Variants in ADCY7 observed in about 807,000 individuals in gnomAD.
The protein encoded by ADCY7 is adenylate cyclase type 7.
Under a neutral mutation model 120.6 loss-of-function variants are expected in ADCY7, and 72 were observed. That is an observed-to-expected ratio of 0.60 (90% confidence interval 0.49 to 0.73). The LOEUF is 0.73. Ranked by LOEUF, ADCY7 falls within the 30% of genes least tolerant of loss-of-function variation. The pLI, the probability that ADCY7 is intolerant of heterozygous loss-of-function variation, is 0.00. For missense variants in ADCY7, 1,227 were observed against 1,486.0 expected, an observed-to-expected ratio of 0.83 and a Z score of 2.87; for synonymous variants, 661 against 628.0, an observed-to-expected ratio of 1.05 and a Z score of -0.78.
In ADCY7 at chr16:50,311,015, C is replaced by A. The variant is rs577534619; in HGVS notation, c.2354+135C>A. On this transcript the variant is annotated intron_variant, in intron 19 of 25. Transcript: ENST00000673801. ...GGCGGGGCTGGCAGATGGTGTCCAG[C>A]GCTCAGAGCCGAGGAATTCACTGGC... 218 of 904,282 alleles carry A rather than the reference C, an allele frequency of 2.4e-4. No individual in the cohort carries two copies. In the African/African-American group the frequency reaches 3.4e-3, roughly 14 times the overall value. 56.0% of individuals were successfully genotyped at this position (904,282 alleles called of 1,614,324 possible).
intron 1 of ADCY7, among the ~76,000 whole-genome samples, chr16:50,255,728 G>A (rs1209440704): frequency 6.6e-6 from 1 of 152,168 alleles, no homozygotes; most frequent in African/African-American, 2.4e-5. Flanking sequence ...CTGAGCTCAA[G>A]GGCTCTGCCT....
chr16:50,315,480 A>C lies in ADCY7; in HGVS notation c.3218A>C (p.Lys1073Thr), dbSNP rs1291003887. 6.2e-7 allele frequency: 1 copy of C among 1,613,362 alleles called. No individual in the cohort carries two copies. The highest frequency in any genetic ancestry group is 1.1e-5 in the South Asian group (1 of 91,082). The change falls in exon 26 of 26, where the codon AAG (lysine) becomes ACG (threonine). Residue 1073 changes from lysine (K) to threonine (T), a missense_variant. Lys to Thr is a moderately conservative substitution (Grantham distance 78). This residue lies in a region of ADCY7 where 244 missense variants were observed against 332.8 expected (regional missense o/e 0.73). Transcript: ENST00000673801. Reference protein sequence around the residue: ...RTYFVCTDTAKFQGLGLN With the variant: ...RTYFVCTDTATFQGLGLN ...TACTTTGTCTGTACGGACACTGCCAAGTTTCAGGGGCTGGGGCTGAACTGA... is the reference window on the plus strand; with the variant it reads ...TACTTTGTCTGTACGGACACTGCCACGTTTCAGGGGCTGGGGCTGAACTGA...
At position 50,314,413 on chromosome 16, in the gene ADCY7, C is replaced by T. The variant is rs772966062; in HGVS notation, c.2971+7C>T. ...TCCTTCCGCCTCCGCGTCGGTGAGC[C>T]CGGGTGATGGAGCGGGGTGGGGAGC... is the stretch of plus-strand genomic sequence containing the variant. On this transcript the variant is annotated splice_region_variant and intron_variant, in intron 24 of 25. Coordinates refer to ENST00000673801, the MANE Select transcript of ADCY7 (RefSeq NM_001114.5). The T allele has an allele frequency of 2.5e-6, 4 of 1,611,820 alleles. No individual in the cohort carries two copies. Among genetic ancestry groups the T allele is most frequent in the Non-Finnish European group, 3.4e-6 (4 of 1,179,200 alleles).
At chr16:50,291,076 A>C (rs148758251) in intron 3 of ADCY7, among the ~76,000 whole-genome samples, 360 of 152,134 alleles carry the variant, frequency 2.4e-3, no homozygotes, top group African/African-American at 8.1e-3. Context: ...TGCCCACCCC[A>C]GTTGAGAGAG....
chr16:50,246,943 A>G (rs2032607961), intron 1 of ADCY7, among the ~76,000 whole-genome samples: 1 of 152,180 alleles, frequency 6.6e-6, no homozygotes, highest in Admixed American at 6.5e-5. Context: ...GGAAATGACC[A>G]CGTGGGCGCC....
intron 21 of ADCY7, among the ~76,000 whole-genome samples, 171 bp downstream of exon 21, chr16:50,312,362 G>T (rs1485626376): frequency 2.0e-5 from 3 of 152,198 alleles, no homozygotes; most frequent in Non-Finnish European, 4.4e-5. Flanking sequence ...GCATGGGCCT[G>T]GGGTCAGGGA....
chr16:50,305,610 C>G (rs573003651), intron 13 of ADCY7, 24 bp downstream of exon 13: 2 of 1,571,690 alleles, frequency 1.3e-6, no homozygotes, highest in African/African-American at 1.3e-5. Context: ...CCTCTGTCCA[C>G]CCCCCTCTCC....
At chr16:50,308,564 C>T in intron 16 of ADCY7, 103 bp from the exon 17 acceptor site, 1 of 1,551,662 alleles carries the variant, frequency 6.4e-7, no homozygotes, top group East Asian at 2.3e-5. Flanking sequence ...TTCCTGAGTG[C>T]CCTGGAGGCT....
rs2036371894 is a variant in ADCY7 at position 50,310,324 on chromosome 16, G to A, written c.2161-363G>A. ...AGCGTGGTCTTTATTCTGGGGGCTGGGGAGCCACAGCACAATCTTGAGCAG... is the reference window on the plus strand; with the variant it reads ...AGCGTGGTCTTTATTCTGGGGGCTGAGGAGCCACAGCACAATCTTGAGCAG... On this transcript the variant is annotated intron_variant, in intron 18 of 25. Coordinates refer to ENST00000673801, the MANE Select transcript of ADCY7 (RefSeq NM_001114.5). The A allele has an allele frequency of 6.5e-6, 5 of 772,532 alleles. No homozygotes were observed. In the Admixed American group the frequency reaches 9.0e-5, roughly 14 times the overall value. 47.9% of individuals were successfully genotyped at this position (772,532 alleles called of 1,614,324 possible). A position where few individuals can be genotyped will look rare whatever the true frequency, so the allele number is the denominator to read the frequency against.
chr16:50,254,791 C>A (rs1338267676), intron 1 of ADCY7, among the ~76,000 whole-genome samples: 2 of 152,102 alleles, frequency 1.3e-5, no homozygotes, highest in African/African-American at 2.4e-5. Context: ...ATACCAAAAG[C>A]TGTGTCTCCC....
chr16:50,264,361 T>A (rs2033133565), upstream of ADCY7, among the ~76,000 whole-genome samples: 1 of 152,254 alleles, frequency 6.6e-6, no homozygotes, highest in Non-Finnish European at 1.5e-5. Context: ...AATTTGTTTA[T>A]CCATTTACTC....
chr16:50,308,397 G>T lies in ADCY7; in HGVS notation c.1921G>T (p.Ala641Ser). Residue 641 changes from alanine (A) to serine (S), a missense_variant, in exon 16 of 26, where the codon GCC (alanine) becomes TCC (serine). Ala to Ser is a moderately conservative substitution (Grantham distance 99). This residue lies in a region of ADCY7 where 267 missense variants were observed against 270.0 expected (regional missense o/e 0.99). Coordinates refer to ENST00000673801, the MANE Select transcript of ADCY7 (RefSeq NM_001114.5). ...VLGLVLGLCF[A>S]TKFSRCCPAR... is the part of the protein sequence containing the mutation. ...GGGGCTGGTGCTGGGCCTGTGCTTTGCCACCAAGTTCTCGGTAAGTGGGGA... is the reference window on the plus strand; with the variant it reads ...GGGGCTGGTGCTGGGCCTGTGCTTTTCCACCAAGTTCTCGGTAAGTGGGGA... 1 of 1,614,104 alleles carries T rather than the reference G, an allele frequency of 6.2e-7. No homozygotes were observed.
intron 3 of ADCY7, among the ~76,000 whole-genome samples, 179 bp downstream of exon 3, chr16:50,290,839 C>T (rs931507935): frequency 1.3e-5 from 2 of 152,206 alleles, no homozygotes; most frequent in African/African-American, 4.8e-5. Context: ...GGAGAGCATC[C>T]ACTCGGACGC....
In ADCY7 at chr16:50,294,650, G is replaced by C; in HGVS notation, c.847G>C (p.Ala283Pro). 1 of 1,140,192 alleles carries C rather than the reference G, an allele frequency of 8.8e-7. No homozygotes were observed. The highest frequency in any genetic ancestry group is 1.3e-6 in the Non-Finnish European group (1 of 776,326). 70.6% of individuals were successfully genotyped at this position (1,140,192 alleles called of 1,614,324 possible). A position where few individuals can be genotyped will look rare whatever the true frequency, so the allele number is the denominator to read the frequency against. ...CTGCCCCATCCCCAGCATCCTCTAT[G>C]CGGACATCGTGGGCTTCACGCAGCT... ...KRHQNVSILY[A>P]DIVGFTQLAS... The change falls in exon 7 of 26, where the codon GCG becomes CCG. Residue 283 changes from alanine to proline, a missense_variant. By Grantham distance (27) the Ala-to-Pro change is conservative. Coordinates refer to ENST00000673801, the MANE Select transcript of ADCY7 (RefSeq NM_001114.5).
At chr16:50,310,417 C>T (rs1002166364) in intron 18 of ADCY7, 61 of 1,526,874 alleles carry the variant, frequency 4.0e-5, no homozygotes, top group African/African-American at 9.6e-5. Flanking sequence ...ATGCACGCTC[C>T]GGCCTTGACC....
Position 50,305,770 on chromosome 16 carries a change from C to T in ADCY7, c.1680-7C>T. The T allele has an allele frequency of 6.2e-7, 1 of 1,613,816 alleles. No homozygotes were observed. The highest frequency in any genetic ancestry group is 1.7e-5 in the Admixed American group (1 of 60,028). On this transcript the variant is annotated splice_region_variant and splice_polypyrimidine_tract_variant and intron_variant, in intron 13 of 25. Coordinates refer to ENST00000673801, the MANE Select transcript of ADCY7 (RefSeq NM_001114.5). ...CCCCATCTCACCGCAGCTGCCCCCG[C>T]CCACAGGCCCTGCTGCTCCAAGTCC...
At chr16:50,277,640 AT>A (rs2033978503) in intron 1 of ADCY7, among the ~76,000 whole-genome samples, 1 of 148,464 alleles carries the variant, frequency 6.7e-6, no homozygotes, top group South Asian at 2.1e-4. Flanking sequence ...CTATAGGTGC[AT>A]CCCATTGTGC....
chr16:50,298,226 T>G (rs1479130597), intron 7 of ADCY7, among the ~76,000 whole-genome samples: 1 of 152,048 alleles, frequency 6.6e-6, no homozygotes, highest in Non-Finnish European at 1.5e-5. Context: ...ACCTGTGACC[T>G]CTGTCCTCAC....
At chr16:50,260,768 G>A (rs1161785363) in intron 1 of ADCY7, among the ~76,000 whole-genome samples, 2 of 152,162 alleles carry the variant, frequency 1.3e-5, no homozygotes, top group African/African-American at 2.4e-5. Context: ...TCCGTTCCTC[G>A]AACACAGATC....
Sources: gnomAD v4.1 joint callset for allele counts (sites outside exome capture counted in the v4.1 genomes callset) on GRCh38, gnomAD v4.1.1 for gene constraint, gnomAD v4.1.1 regional missense constraint, MANE v1.5 for transcripts, NCBI Gene and HGNC (gene_info 2026-07-23, HGNC 2026-07-21) for gene names.